CHN1: variants seen among roughly 807,000 people sequenced by gnomAD.
CHN1 encodes N-chimaerin.
CHN1 carries 37 observed loss-of-function variants against 59.5 expected under a neutral mutation model. The observed-to-expected ratio is 0.62, with a 90% CI of 0.48 to 0.82. The LOEUF is 0.82. Ranked by LOEUF, CHN1 falls within the 40% of genes least tolerant of loss-of-function variation. CHN1 has a pLI of 0.00. For synonymous variants in CHN1, 206 were observed against 200.4 expected, an observed-to-expected ratio of 1.03 and a Z score of -0.24; for missense variants, 469 against 571.0, an observed-to-expected ratio of 0.82 and a Z score of 1.82.
At chr2:174,932,958 G>C (rs1050544094) in intron 3 of CHN1, among the ~76,000 whole-genome samples, 4 of 152,180 alleles carry the variant, frequency 2.6e-5, no homozygotes, top group African/African-American at 7.2e-5. Context: ...ATACAGTTAG[G>C]ATTCTGGACA....
At chr2:174,893,418 AAG>A (rs1688116463) in intron 5 of CHN1, among the ~76,000 whole-genome samples, 1 of 152,188 alleles carries the variant, frequency 6.6e-6, no homozygotes, top group Admixed American at 6.5e-5. Context: ...TAAAAGGCAA[AAG>A]ACTTGTATAC....
intron 8 of CHN1, among the ~76,000 whole-genome samples, chr2:174,822,140 C>A (rs565233220): frequency 6.6e-6 from 1 of 152,252 alleles, no homozygotes; most frequent in East Asian, 1.9e-4. Context: ...TCCAACCCTC[C>A]GTGTTTTCAA....
At chr2:174,955,100 T>G (rs1002308257) in intron 1 of CHN1, among the ~76,000 whole-genome samples, 4 of 150,066 alleles carry the variant, frequency 2.7e-5, no homozygotes, top group South Asian at 4.2e-4. Context: ...TATATCTATA[T>G]ATATAGATCT....
intron 1 of CHN1, among the ~76,000 whole-genome samples, chr2:174,972,540 A>T (rs545082332): frequency 6.6e-6 from 1 of 152,348 alleles, no homozygotes; most frequent in African/African-American, 2.4e-5. Context: ...TTAATAAATG[A>T]GTGATCTAGG....
chr2:174,824,614 C>CTATATATATA (rs149952097), intron 7 of CHN1, 96 bp from the exon 8 acceptor site: 194 of 451,808 alleles, frequency 4.3e-4, no homozygotes, highest in African/African-American at 3.5e-3. Flanking sequence ...GCCACATATT[C>CTATATATATA]TATATATATA....
At chr2:174,983,399 T>C (rs1399759037) in intron 1 of CHN1, among the ~76,000 whole-genome samples, 2 of 152,008 alleles carry the variant, frequency 1.3e-5, no homozygotes, top group Non-Finnish European at 2.9e-5. Flanking sequence ...GTGATAATTA[T>C]CTTAAAAAGT....
intron 7 of CHN1, among the ~76,000 whole-genome samples, chr2:174,835,173 C>G (rs1686031895): frequency 6.6e-6 from 1 of 152,136 alleles, no homozygotes. Context: ...CAGGACTGTA[C>G]TGAATGAATA....
Position 174,839,185 on chromosome 2 carries a change from A to C in CHN1, c.627+7695T>G, listed in dbSNP as rs149908631. On this transcript the variant is annotated intron_variant, in intron 7 of 12. Transcript: ENST00000409900. ...CTCACATATTTTTTGTAGTGAGAACACTTAAAATCTACTCTCAGAGAGATT... is the reference window on the plus strand; with the variant it reads ...CTCACATATTTTTTGTAGTGAGAACCCTTAAAATCTACTCTCAGAGAGATT... 4.5e-3 allele frequency among the ~76,000 whole-genome samples: 679 copies of C among 152,268 alleles called. 6 individuals are homozygous for C. The highest frequency in any genetic ancestry group is 0.015 in the African/African-American group (639 of 41,534).
intron 2 of CHN1, chr2:174,945,252 TA>T: frequency 4.5e-6 from 2 of 445,158 alleles, no homozygotes; most frequent in Non-Finnish European, 9.0e-6. Flanking sequence ...GTGGGGATAT[TA>T]AAGGATGTCT....
chr2:174,953,114 A>G (rs1690077620), intron 1 of CHN1, among the ~76,000 whole-genome samples: 1 of 151,912 alleles, frequency 6.6e-6, no homozygotes, highest in African/African-American at 2.4e-5. Flanking sequence ...CTGGAAACCA[A>G]CATGAACCCA....
chr2:174,993,407 A>G (rs1219846076), intron 1 of CHN1, among the ~76,000 whole-genome samples: 1 of 152,200 alleles, frequency 6.6e-6, no homozygotes, highest in African/African-American at 2.4e-5. Flanking sequence ...TTTCTTTAAC[A>G]GTTGTCAATC....
At chr2:174,944,471 T>C (rs1472184412) in intron 3 of CHN1, among the ~76,000 whole-genome samples, 2 of 152,244 alleles carry the variant, frequency 1.3e-5, no homozygotes. Flanking sequence ...TTGTCATACA[T>C]CATATCTTTT....
chr2:174,938,995 A>AC lies in CHN1; in HGVS notation c.114+5892dup, dbSNP rs1182383042. 1.2e-4 allele frequency among the ~76,000 whole-genome samples: 19 copies of AC among 152,324 alleles called. 1 individual carries two copies. The South Asian group carries it at 3.9e-3, about 32-fold the overall frequency. Reference sequence around the variant, plus strand: ...ATATTGCAAAGTGGAAATGATGAATACATTGCTCAATTTAAGTAGGAAAAT... The same window carrying AC: ...ATATTGCAAAGTGGAAATGATGAATACCATTGCTCAATTTAAGTAGGAAAAT... On this transcript the variant is annotated intron_variant, in intron 3 of 12. Transcript: ENST00000409900.
intron 8 of CHN1, among the ~76,000 whole-genome samples, chr2:174,814,046 T>C (rs1685161869): frequency 6.6e-6 from 1 of 152,172 alleles, no homozygotes; most frequent in South Asian, 2.1e-4. Flanking sequence ...AACAACATCA[T>C]TGTTTCATTA....
chr2:174,964,542 T>C (rs867244278), intron 1 of CHN1, among the ~76,000 whole-genome samples: 1 of 152,226 alleles, frequency 6.6e-6, no homozygotes, highest in Admixed American at 6.5e-5. Flanking sequence ...TTGAACTGCA[T>C]GTACTACCAG....
At chr2:174,896,755 A>G (rs1688229654) in intron 5 of CHN1, among the ~76,000 whole-genome samples, 2 of 152,274 alleles carry the variant, frequency 1.3e-5, no homozygotes, top group East Asian at 1.9e-4. Flanking sequence ...TTAACCTTCA[A>G]TGGTTATGGG....
At chr2:174,860,083 T>G (rs980044712) in intron 6 of CHN1, among the ~76,000 whole-genome samples, 5 of 152,328 alleles carry the variant, frequency 3.3e-5, no homozygotes, top group African/African-American at 1.2e-4. Flanking sequence ...CTGAGTAGCA[T>G]GCCTTTTTGT....
intron 3 of CHN1, among the ~76,000 whole-genome samples, chr2:174,943,755 AT>A (rs1396926650): frequency 6.6e-6 from 1 of 152,038 alleles, no homozygotes; most frequent in Admixed American, 6.6e-5. Context: ...TATCATAATT[AT>A]TTTACCAGTC....
chr2:174,812,448 C>G lies in CHN1; in HGVS notation c.747G>C (p.Lys249Asn). 4 of 1,613,946 alleles carry G rather than the reference C, an allele frequency of 2.5e-6. No individual in the cohort carries two copies. Among genetic ancestry groups the G allele is most frequent in the Non-Finnish European group, 3.4e-6 (4 of 1,179,882 alleles). ...CTGGCTTACAGTCATTTGGGACCAT[C>G]TTGGAACACTGCTTATGAACATTCA... ...CGLNVHKQCS[K>N]MVPNDCKPDL... The change falls in exon 9 of 13, where the codon AAG (lysine) becomes AAC (asparagine). Residue 249 changes from lysine to asparagine, a missense_variant. Lys to Asn is a moderately conservative substitution (Grantham distance 94, BLOSUM62 0). Around this residue, in one of 5 missense-constraint regions of CHN1, gnomAD observed 225 missense variants for 289.9 expected, o/e 0.78. Transcript: ENST00000409900.
Sources: allele counts gnomAD v4.1 joint callset (sites outside exome capture counted in the v4.1 genomes callset), GRCh38; gene constraint gnomAD v4.1.1; regional missense constraint gnomAD v4.1.1; transcripts MANE v1.5; gene names NCBI Gene and HGNC (gene_info 2026-07-23, HGNC 2026-07-21).